The following PLEKHH2 variants were observed in gnomAD, a reference collection of about 807,000 sequenced individuals.
PLEKHH2 encodes the protein pleckstrin homology, MyTH4 and FERM domain containing H2, also known as pleckstrin homology domain-containing family H member 2.
In PLEKHH2, 129 loss-of-function variants were observed where a neutral mutation model predicts 187.9. The ratio of observed to expected loss-of-function variants is 0.69; its 90% CI spans 0.59 to 0.79. The LOEUF (loss-of-function observed/expected upper bound fraction) is 0.79, where lower values mean the gene tolerates loss of function less well. PLEKHH2 is among the 30% of genes least tolerant of loss of function. PLEKHH2 has a pLI of 0.00. For synonymous variants in PLEKHH2, 686 were observed against 605.6 expected (o/e 1.13, Z -1.95); for missense variants, 2,076 against 1,751.2 (o/e 1.19, Z -3.31).
At position 43,764,360 on chromosome 2, in the gene PLEKHH2, C is replaced by A; in HGVS notation, c.4291C>A (p.Pro1431Thr). The part of the protein sequence containing the change: ...TEKLLFAMAK[P>T]KILEITLLIA... ...GAAATTACTTTTTGCCATGGCAAAA[C>A]CCAAGGTGAGTAGAAGCCTTTCTGC... is the stretch of plus-strand genomic sequence containing the variant. The change falls in exon 29 of 30, where the codon CCC becomes ACC. Residue 1431 changes from proline to threonine, a missense_variant. Coordinates refer to ENST00000282406, the MANE Select transcript of PLEKHH2 (RefSeq NM_172069.4). 1 of 1,612,218 alleles carries A rather than the reference C, an allele frequency of 6.2e-7. No homozygotes were observed. Among genetic ancestry groups the A allele is most frequent in the Non-Finnish European group, 8.5e-7 (1 of 1,179,068 alleles).
intron 3 of PLEKHH2, chr2:43,679,494 CTTTTTTT>C (rs70965314): frequency 8.3e-4 from 210 of 253,974 alleles, no homozygotes; most frequent in Middle Eastern, 1.5e-3. Context: ...GATTTTTTCC[CTTTTTTT>C]TTTTTTTTTT....
In PLEKHH2 at chr2:43,767,521, C is replaced by T. The variant is rs1452220901; in HGVS notation, c.*1923C>T. On this transcript the variant is annotated 3_prime_UTR_variant, in exon 30 of 30. Coordinates refer to ENST00000282406, the MANE Select transcript of PLEKHH2 (RefSeq NM_172069.4). Reference sequence around the variant, plus strand: ...TTTGTTTTTGAGAATAAACTGGTAACCAGTTTGTGATGACTCTCAGAAGCC... The same window carrying T: ...TTTGTTTTTGAGAATAAACTGGTAATCAGTTTGTGATGACTCTCAGAAGCC... 6.6e-6 allele frequency: 1 copy of T among 152,296 alleles called. No homozygotes were observed. The highest frequency in any genetic ancestry group is 2.4e-5 in the African/African-American group (1 of 41,428). 9.4% of individuals were successfully genotyped at this position (152,296 alleles called of 1,614,324 possible). A position where few individuals can be genotyped will look rare whatever the true frequency, so the allele number is the denominator to read the frequency against.
At chr2:43,681,015 G>T (rs1668148750) in intron 3 of PLEKHH2, 2 of 1,261,498 alleles carry the variant, frequency 1.6e-6, no homozygotes, top group Non-Finnish European at 2.2e-6. Flanking sequence ...AAAGTCACCT[G>T]TTCCCTCAGA....
In PLEKHH2 at chr2:43,747,109, CCTCT is replaced by C. The variant is rs10696940; in HGVS notation, c.3653+1168_3653+1171del. 9.2e-3 allele frequency among the ~76,000 whole-genome samples: 1,163 copies of C among 126,128 alleles called. 17 individuals carry two copies. Among genetic ancestry groups the C allele is most frequent in the African/African-American group, 0.031 (976 of 31,348 alleles). The allele number at this position is 126,128 out of a possible 152,430, so 82.7% of individuals were successfully genotyped here. A position where few individuals can be genotyped will look rare whatever the true frequency, so the allele number is the denominator to read the frequency against. ...TTCTTTCTGTCTCTCTCTCTCTCTC[CCTCT>C]CTCTCTCTCTCTCTCTCTCTCGGTG... On this transcript the variant is annotated intron_variant, in intron 24 of 29. Transcript: ENST00000282406.
Position 43,736,557 on chromosome 2 carries a change from G to A in PLEKHH2, c.2944-1784G>A, listed in dbSNP as rs185862017. 4.7e-4 allele frequency among the ~76,000 whole-genome samples: 72 copies of A among 152,216 alleles called. No homozygotes were observed. The East Asian group carries it at 5.2e-3, about 11-fold the overall frequency. On this transcript the variant is annotated intron_variant, in intron 19 of 29. Coordinates refer to ENST00000282406, the MANE Select transcript of PLEKHH2 (RefSeq NM_172069.4). Reference sequence around the variant, plus strand: ...GTAGTTAGACTTCACAGGGCTGATCGGGCGCGGTGGCTCACCCTGTAACCC... The same window carrying A: ...GTAGTTAGACTTCACAGGGCTGATCAGGCGCGGTGGCTCACCCTGTAACCC...
chr2:43,675,386 C>A, intron 2 of PLEKHH2: 1 of 1,584,178 alleles, frequency 6.3e-7, no homozygotes, highest in East Asian at 2.2e-5. Flanking sequence ...CAGTCATTTT[C>A]TGAACCAACT....
intron 6 of PLEKHH2, 43 bp from the exon 7 acceptor site, chr2:43,697,128 C>T (rs1038692082): frequency 6.8e-7 from 1 of 1,468,592 alleles, no homozygotes; most frequent in East Asian, 2.3e-5. Context: ...TAACAAACTT[C>T]TATAAAAAAT....
intron 28 of PLEKHH2, 128 bp downstream of exon 28, chr2:43,762,518 G>A: frequency 1.7e-6 from 1 of 601,492 alleles, no homozygotes; most frequent in Non-Finnish European, 2.9e-6. Flanking sequence ...CTAATACTAT[G>A]TCATGAACAG....
At chr2:43,709,600 G>C (rs760686420) in intron 11 of PLEKHH2, among the ~76,000 whole-genome samples, 4 of 152,146 alleles carry the variant, frequency 2.6e-5, no homozygotes, top group Non-Finnish European at 5.9e-5. Context: ...CATGTTGGGA[G>C]GCCAAGGCAG....
In PLEKHH2 at chr2:43,677,036, T is replaced by C. The variant is rs962523397; in HGVS notation, c.124-1827T>C. Among the ~76,000 whole-genome samples the C allele has an allele frequency of 4.6e-5, 7 of 152,210 alleles. No homozygotes were observed. The South Asian group carries it at 6.2e-4, about 14-fold the overall frequency. ...CTACAATCCACTGAAGAAAATTCTATTGATGAATACTCTTGAGGTATATAT... is the reference window on the plus strand; with the variant it reads ...CTACAATCCACTGAAGAAAATTCTACTGATGAATACTCTTGAGGTATATAT... On this transcript the variant is annotated intron_variant, in intron 2 of 29. Transcript: ENST00000282406.
intron 1 of PLEKHH2, among the ~76,000 whole-genome samples, chr2:43,642,196 G>T (rs1465333734): frequency 6.6e-6 from 1 of 152,050 alleles, no homozygotes; most frequent in Admixed American, 6.6e-5. Flanking sequence ...CACTTCTTTT[G>T]TTAAATTCAT....
chr2:43,670,167 T>C (rs751109783), intron 2 of PLEKHH2, among the ~76,000 whole-genome samples: 4 of 152,168 alleles, frequency 2.6e-5, no homozygotes, highest in Admixed American at 6.5e-5. Flanking sequence ...CTTTATATCA[T>C]TAGGAGAATA....
At chr2:43,711,733 T>A (rs1251134864) in intron 14 of PLEKHH2, 2 of 449,670 alleles carry the variant, frequency 4.4e-6, no homozygotes, top group African/African-American at 4.3e-5. Flanking sequence ...CTACTAAAAA[T>A]TCAAAAAAAA....
intron 26 of PLEKHH2, among the ~76,000 whole-genome samples, chr2:43,758,265 T>C (rs1672292866): frequency 2.0e-5 from 3 of 152,190 alleles, no homozygotes; most frequent in Admixed American, 6.5e-5. Flanking sequence ...GTTTTTGTTT[T>C]TGTTTAAGAC....
intron 16 of PLEKHH2, 30 bp downstream of exon 16, chr2:43,720,779 A>T: frequency 6.3e-7 from 1 of 1,584,684 alleles, no homozygotes; most frequent in Non-Finnish European, 8.5e-7. Flanking sequence ...ATGCCAATTG[A>T]AGTAACTTTT....
chr2:43,687,168 T>G (rs1339723263), intron 3 of PLEKHH2, among the ~76,000 whole-genome samples: 2 of 152,192 alleles, frequency 1.3e-5, no homozygotes, highest in Non-Finnish European at 2.9e-5. Flanking sequence ...CTCATAGTCC[T>G]CAGTGTCTGT....
Position 43,765,700 on chromosome 2 carries a change from G to A in PLEKHH2, c.*102G>A. The A allele has an allele frequency of 1.8e-6, 2 of 1,120,990 alleles. No individual in the cohort carries two copies. The highest frequency in any genetic ancestry group is 2.5e-6 in the Non-Finnish European group (2 of 806,188). The allele number at this position is 1,120,990 out of a possible 1,614,324, so 69.4% of individuals were successfully genotyped here. On this transcript the variant is annotated 3_prime_UTR_variant, in exon 30 of 30. Transcript: ENST00000282406. ...CTGGCAGCACGGCAGCCACACACCG[G>A]TATTCCAAACCTTAACAATGAAGGG...
chr2:43,744,073 G>A, intron 23 of PLEKHH2, 84 bp downstream of exon 23: 2 of 1,499,534 alleles, frequency 1.3e-6, no homozygotes, highest in Non-Finnish European at 1.8e-6. Flanking sequence ...TTTGCAAGAA[G>A]TTTAATTCAG....
intron 15 of PLEKHH2, among the ~76,000 whole-genome samples, chr2:43,716,645 T>C (rs973357037): frequency 6.6e-6 from 1 of 152,210 alleles, no homozygotes; most frequent in African/African-American, 2.4e-5. Flanking sequence ...ATTATATAAA[T>C]TTTCAAATAT....
Sources: allele counts gnomAD v4.1 joint callset (sites outside exome capture counted in the v4.1 genomes callset), GRCh38; gene constraint gnomAD v4.1.1; transcripts MANE v1.5; gene names NCBI Gene and HGNC (gene_info 2026-07-23, HGNC 2026-07-21).